The following DPP10 variants were observed in gnomAD, a reference collection of about 807,000 sequenced individuals.
DPP10 encodes dipeptidyl peptidase like 10.
In DPP10, 33 loss-of-function variants were observed where a neutral mutation model predicts 120.9. The ratio of observed to expected loss-of-function variants is 0.27; its 90% CI spans 0.21 to 0.37. The LOEUF (loss-of-function observed/expected upper bound fraction) is 0.37, where lower values mean the gene tolerates loss of function less well. Among genes scored for constraint, DPP10 ranks in the 10% least tolerant of loss-of-function variants. DPP10 has a pLI of 1.00. For synonymous variants in DPP10, 337 were observed against 326.1 expected (o/e 1.03, Z -0.36); for missense variants, 816 against 942.8 (o/e 0.87, Z 1.76).
At chr2:114,931,345 C>T (rs1231625154) in intron 1 of DPP10, among the ~76,000 whole-genome samples, 5 of 152,166 alleles carry the variant, frequency 3.3e-5, no homozygotes, top group Non-Finnish European at 5.9e-5. Flanking sequence ...AGGCTGCTTC[C>T]ACTCATGGCA....
At chr2:114,896,218 C>A (rs1256296031) in intron 1 of DPP10, among the ~76,000 whole-genome samples, 1 of 152,106 alleles carries the variant, frequency 6.6e-6, no homozygotes, top group Non-Finnish European at 1.5e-5. Context: ...GCGATGCGGG[C>A]TCTTTTTTGG....
At chr2:115,150,749 T>C (rs1223985678) in intron 1 of DPP10, among the ~76,000 whole-genome samples, 1 of 152,180 alleles carries the variant, frequency 6.6e-6, no homozygotes, top group Non-Finnish European at 1.5e-5. Context: ...TTGAAACATG[T>C]CTGGTCTAAA....
chr2:115,176,607 A>G (rs2053709772), intron 1 of DPP10, among the ~76,000 whole-genome samples: 1 of 152,198 alleles, frequency 6.6e-6, no homozygotes, highest in South Asian at 2.1e-4. Flanking sequence ...CGGCTGATCA[A>G]TAAATCATAT....
intron 1 of DPP10, among the ~76,000 whole-genome samples, chr2:115,265,558 C>CTA (rs1288715150): frequency 6.6e-6 from 1 of 151,980 alleles, no homozygotes; most frequent in Admixed American, 6.6e-5. Context: ...AATAACCTTA[C>CTA]TACAGGTATA....
intron 1 of DPP10, among the ~76,000 whole-genome samples, chr2:114,540,814 G>A (rs1454175987): frequency 1.3e-5 from 2 of 152,106 alleles, no homozygotes; most frequent in East Asian, 1.9e-4. Flanking sequence ...CTGCTTATAC[G>A]CCTCCTGCTC....
intron 1 of DPP10, among the ~76,000 whole-genome samples, chr2:114,479,585 G>A (rs1392201419): frequency 1.3e-5 from 2 of 152,030 alleles, no homozygotes; most frequent in African/African-American, 4.8e-5. Context: ...TCTGATCTTT[G>A]ACACACCTGA....
intron 10 of DPP10, among the ~76,000 whole-genome samples, chr2:115,749,029 C>T (rs889534329): frequency 6.6e-6 from 1 of 152,098 alleles, no homozygotes; most frequent in African/African-American, 2.4e-5. Context: ...AAGAATGTAG[C>T]ATGGTAGGAA....
At chr2:115,733,836 T>C (rs2092968159) in intron 8 of DPP10, among the ~76,000 whole-genome samples, 1 of 152,194 alleles carries the variant, frequency 6.6e-6, no homozygotes, top group Non-Finnish European at 1.5e-5. Context: ...GCAGTGAGAT[T>C]TTCTAAATCA....
chr2:114,445,875 G>C (rs1479228207), intron 1 of DPP10, among the ~76,000 whole-genome samples: 6 of 152,028 alleles, frequency 3.9e-5, no homozygotes, highest in Non-Finnish European at 8.8e-5. Flanking sequence ...GTCAAATAGG[G>C]GTGCCAAGTG....
intron 1 of DPP10, among the ~76,000 whole-genome samples, chr2:115,069,137 T>C (rs969933964): frequency 7.2e-5 from 11 of 152,122 alleles, no homozygotes; most frequent in African/African-American, 2.7e-4. Flanking sequence ...TCTGTATTTG[T>C]TTTGAATTTT....
chr2:114,539,521 T>A (rs953384733), intron 1 of DPP10, among the ~76,000 whole-genome samples: 7 of 152,180 alleles, frequency 4.6e-5, no homozygotes, highest in African/African-American at 1.7e-4. Flanking sequence ...TTCTTCCAGT[T>A]CTTGCATATT....
chr2:115,700,685 A>G (rs1044649566), intron 7 of DPP10, among the ~76,000 whole-genome samples: 7 of 152,190 alleles, frequency 4.6e-5, no homozygotes, highest in South Asian at 2.1e-4. Context: ...TTAAAAGCCT[A>G]GAGTCCACAC....
intron 1 of DPP10, among the ~76,000 whole-genome samples, chr2:114,751,778 G>A (rs904033140): frequency 6.6e-6 from 1 of 152,134 alleles, no homozygotes; most frequent in African/African-American, 2.4e-5. Context: ...TACATGTTGG[G>A]AGCTTAAGCT....
rs145575979 is a variant in DPP10, at chr2:114,566,230, C to T, written c.60+123392C>T. On this transcript the variant is annotated intron_variant, in intron 1 of 25. Transcript: ENST00000410059. ...CCACTGTCAGGAAGAACATTCTGGG[C>T]TCAGGGACCAGCAAGAGCAAAGGAG... Among the ~76,000 whole-genome samples the T allele has an allele frequency of 5.6e-3, 847 of 152,248 alleles. 12 individuals carry two copies. Among genetic ancestry groups the T allele is most frequent in the African/African-American group, 0.019 (773 of 41,558 alleles).
At chr2:115,208,862 A>T (rs17355686) in intron 1 of DPP10, among the ~76,000 whole-genome samples, 2 of 152,138 alleles carry the variant, frequency 1.3e-5, no homozygotes, top group South Asian at 4.1e-4. Flanking sequence ...ATTTAGGAGC[A>T]AATGTACAAA....
chr2:114,508,983 T>A (rs1683910566), intron 1 of DPP10, among the ~76,000 whole-genome samples: 1 of 151,812 alleles, frequency 6.6e-6, no homozygotes, highest in South Asian at 2.1e-4. Flanking sequence ...AACCGACATC[T>A]CCAGTGTGAG....
intron 1 of DPP10, among the ~76,000 whole-genome samples, chr2:115,197,458 C>T (rs1559224429): frequency 6.6e-6 from 1 of 151,808 alleles, no homozygotes; most frequent in Non-Finnish European, 1.5e-5. Flanking sequence ...AATATGGACT[C>T]ATAAACTTAC....
chr2:114,897,691 A>G (rs1364331263), intron 1 of DPP10, among the ~76,000 whole-genome samples: 1 of 152,158 alleles, frequency 6.6e-6, no homozygotes, highest in Non-Finnish European at 1.5e-5. Context: ...GGCGAAGGAC[A>G]TGAACAGACA....
chr2:115,250,100 A>G (rs1182687240), intron 1 of DPP10, among the ~76,000 whole-genome samples: 1 of 152,108 alleles, frequency 6.6e-6, no homozygotes, highest in Admixed American at 6.6e-5. Context: ...CTTGCTCATT[A>G]TCTGCTCATT....
Sources: allele counts gnomAD v4.1 joint callset (sites outside exome capture counted in the v4.1 genomes callset), GRCh38; gene constraint gnomAD v4.1.1; transcripts MANE v1.5; gene names NCBI Gene and HGNC (gene_info 2026-07-23, HGNC 2026-07-21).